Variants in DNAJC6 observed in about 807,000 individuals in gnomAD.
DNAJC6 encodes auxilin.
DNAJC6 carries 34 observed loss-of-function variants against 110.0 expected under a neutral mutation model. The ratio of observed to expected loss-of-function variants is 0.31; its 90% CI spans 0.24 to 0.41. The LOEUF is 0.41. Among genes scored for constraint, DNAJC6 ranks in the 10% least tolerant of loss-of-function variants. The pLI is 1.00. For synonymous variants in DNAJC6, 406 were observed against 437.2 expected (o/e 0.93, Z 0.89); for missense variants, 1,031 against 1,207.8 (o/e 0.85, Z 2.17).
At chr1:65,325,539 G>T (rs1040158669) in intron 1 of DNAJC6, among the ~76,000 whole-genome samples, 1 of 152,140 alleles carries the variant, frequency 6.6e-6, no homozygotes, top group African/African-American at 2.4e-5. Flanking sequence ...AATGAAATTT[G>T]CATTCTTGTT....
rs773278954 is a variant in DNAJC6 at position 65,415,288 on chromosome 1, C to A, written c.*2263C>A. The A allele has an allele frequency of 6.6e-6, 1 of 152,050 alleles. No homozygotes were observed. Among genetic ancestry groups the A allele is most frequent in the African/African-American group, 2.4e-5 (1 of 41,378 alleles). The allele number at this position is 152,050 out of a possible 1,614,324, so 9.4% of individuals were successfully genotyped here. On this transcript the variant is annotated 3_prime_UTR_variant, in exon 19 of 19. Coordinates refer to ENST00000371069, the MANE Select transcript of DNAJC6 (RefSeq NM_001256864.2). ...AAGGTTCAAAAATATTTGTATAAAT[C>A]TAAGTTATTTGGGTACTTGTAGGAA...
At chr1:65,319,863 C>G (rs1467044576) in intron 1 of DNAJC6, among the ~76,000 whole-genome samples, 1 of 152,080 alleles carries the variant, frequency 6.6e-6, no homozygotes, top group East Asian at 1.9e-4. Flanking sequence ...CCATCTTCAA[C>G]TTCCTTATCC....
chr1:65,366,765 G>A (rs191717917), intron 4 of DNAJC6, among the ~76,000 whole-genome samples: 97 of 152,216 alleles, frequency 6.4e-4, no homozygotes, highest in African/African-American at 2.2e-3. Context: ...ACTAAAAAAA[G>A]GCATTTTTTT....
intron 5 of DNAJC6, 85 bp downstream of exon 5, chr1:65,379,609 T>A: frequency 2.0e-6 from 3 of 1,526,424 alleles, no homozygotes; most frequent in Non-Finnish European, 2.7e-6. Context: ...CAGGTAACAT[T>A]TGAGTTCAAT....
intron 1 of DNAJC6, among the ~76,000 whole-genome samples, chr1:65,274,206 A>G (rs899601127): frequency 1.3e-5 from 2 of 152,146 alleles, no homozygotes. Context: ...ATCTTGAGCA[A>G]TACTCCCTTA....
chr1:65,264,918 A>G (rs749679056), exon 1 of DNAJC6: 1 of 1,613,418 alleles, frequency 6.2e-7, no homozygotes, highest in Non-Finnish European at 8.5e-7. Flanking sequence ...AGAATGAAAG[A>G]TTCTGAAAAT....
chr1:65,293,095 C>T lies in DNAJC6; in HGVS notation c.-131+28163C>T, dbSNP rs115660218. ...TGGTAAAACAGTACTTCCCCTCTGC[C>T]TCAGTCAGCTCAGGCTGCTGTCACA... On this transcript the variant is annotated intron_variant, in intron 1 of 19. Coordinates refer to the DNAJC6 transcript ENST00000263441. 5.1e-3 allele frequency among the ~76,000 whole-genome samples: 777 copies of T among 152,372 alleles called. 7 individuals carry two copies. Among genetic ancestry groups the T allele is most frequent in the African/African-American group, 0.018 (741 of 41,590 alleles).
At chr1:65,383,412 C>A (rs1426148074) in intron 5 of DNAJC6, among the ~76,000 whole-genome samples, 2 of 152,136 alleles carry the variant, frequency 1.3e-5, no homozygotes, top group East Asian at 3.8e-4. Flanking sequence ...CTCGCCTTGG[C>A]CTCTCAAAGT....
chr1:65,296,838 G>A (rs914319453), intron 1 of DNAJC6, among the ~76,000 whole-genome samples: 9 of 151,836 alleles, frequency 5.9e-5, no homozygotes, highest in South Asian at 2.1e-4. Context: ...CACCTGCCTC[G>A]GCCTCCAAAA....
chr1:65,410,595 T>C (rs1181523410), intron 17 of DNAJC6, among the ~76,000 whole-genome samples: 1 of 152,194 alleles, frequency 6.6e-6, no homozygotes, highest in Non-Finnish European at 1.5e-5. Flanking sequence ...TTAGCTGAAC[T>C]CCTGTTAGGT....
At chr1:65,271,218 G>A (rs549631302) in intron 1 of DNAJC6, among the ~76,000 whole-genome samples, 27 of 151,908 alleles carry the variant, frequency 1.8e-4, no homozygotes, top group Admixed American at 9.8e-4. Flanking sequence ...AAATCAGGCC[G>A]ATTAGCATAT....
upstream of DNAJC6, among the ~76,000 whole-genome samples, chr1:65,304,991 T>C (rs1645024496): frequency 6.6e-6 from 1 of 152,262 alleles, no homozygotes; most frequent in African/African-American, 2.4e-5. Context: ...TTGCACTATG[T>C]ATATCTATAG....
At position 65,384,255 on chromosome 1, in the gene DNAJC6, T is replaced by C; in HGVS notation, c.729T>C (p.Ser243=). Residue 243 remains serine, a synonymous_variant, in exon 6 of 19, where the codon TCT becomes TCC. Coordinates refer to ENST00000371069, the MANE Select transcript of DNAJC6 (RefSeq NM_001256864.2). ...TGTTCATTTTCTGTAATCTCTACTCTACTCCTGGCCCAGCCATTCGATTGC... is the reference window on the plus strand; with the variant it reads ...TGTTCATTTTCTGTAATCTCTACTCCACTCCTGGCCCAGCCATTCGATTGC... The part of the protein sequence containing the change: ...GAMFIFCNLY[S]TPGPAIRLLY... The C allele has an allele frequency of 6.3e-7, 1 of 1,589,232 alleles. No individual in the cohort carries two copies.
intron 1 of DNAJC6, among the ~76,000 whole-genome samples, chr1:65,322,698 G>A (rs1045915005): frequency 2.0e-5 from 3 of 152,144 alleles, no homozygotes; most frequent in African/African-American, 7.2e-5. Context: ...TAAGAACCTT[G>A]CACTAAATTA....
At chr1:65,360,597 T>C (rs1645587922) in intron 1 of DNAJC6, among the ~76,000 whole-genome samples, 1 of 152,252 alleles carries the variant, frequency 6.6e-6, no homozygotes, top group Non-Finnish European at 1.5e-5. Context: ...TATGCTGCTC[T>C]ATCCTCACTA....
intron 1 of DNAJC6, among the ~76,000 whole-genome samples, chr1:65,346,982 TACTTTATATGCA>T (rs1645442709): frequency 6.6e-6 from 1 of 152,084 alleles, no homozygotes; most frequent in Non-Finnish European, 1.5e-5. Flanking sequence ...AATGCTTATC[TACTTTATATGCA>T]ACTTTATAAT....
rs374897899 is a variant in DNAJC6, at chr1:65,408,828, G to C, written c.2634+45G>C. 1.6e-5 allele frequency: 25 copies of C among 1,598,252 alleles called. No homozygotes were observed. The African/African-American group carries it at 3.2e-4, about 21-fold the overall frequency. On this transcript the variant is annotated intron_variant, in intron 17 of 18. Coordinates refer to ENST00000371069, the MANE Select transcript of DNAJC6 (RefSeq NM_001256864.2). ...CAGCTTGATTATCCTATATGACAAA[G>C]TCATGTGATAAAGTCATGTGTATGG... is the stretch of plus-strand genomic sequence containing the variant.
At chr1:65,330,798 C>T (rs1454186769) in intron 1 of DNAJC6, among the ~76,000 whole-genome samples, 1 of 152,168 alleles carries the variant, frequency 6.6e-6, no homozygotes, top group South Asian at 2.1e-4. Context: ...ATATAAAAGT[C>T]GGATCTGGAA....
chr1:65,317,991 C>T (rs573602306), intron 1 of DNAJC6, among the ~76,000 whole-genome samples: 41 of 152,234 alleles, frequency 2.7e-4, no homozygotes, highest in African/African-American at 9.9e-4. Context: ...TAGAGAATTG[C>T]ATTTAGGCTT....
Sources: gnomAD v4.1 joint callset for allele counts (sites outside exome capture counted in the v4.1 genomes callset) on GRCh38, gnomAD v4.1.1 for gene constraint, MANE v1.5 for transcripts, NCBI Gene and HGNC (gene_info 2026-07-23, HGNC 2026-07-21) for gene names.